The following VSTM1 variants were observed in gnomAD, a reference collection of about 807,000 sequenced individuals.
VSTM1 encodes the protein V-set and transmembrane domain-containing protein 1.
Under a neutral mutation model 33.1 loss-of-function variants are expected in VSTM1, and 27 were observed. That is an observed-to-expected ratio of 0.82 (90% CI 0.60 to 1.12). The LOEUF (loss-of-function observed/expected upper bound fraction) is 1.12, where lower values mean the gene tolerates loss of function less well. Among genes scored for constraint, VSTM1 ranks in the 50% most tolerant of loss-of-function variants. VSTM1 has a pLI of 0.00. For missense variants in VSTM1, 304 were observed against 288.9 expected (o/e 1.05, Z -0.38); for synonymous variants, 115 against 110.3 (o/e 1.04, Z -0.27).
In VSTM1 at chr19:54,058,333, T is replaced by G; in HGVS notation, c.328A>C (p.Ser110Arg). 6.2e-7 allele frequency: 1 copy of G among 1,614,014 alleles called. No individual in the cohort carries two copies. The highest frequency in any genetic ancestry group is 8.5e-7 in the Non-Finnish European group (1 of 1,179,998). ...GTGACCACCAGCTGCAAGTGTTCAC[T>G]GCTTTCTGACCACTCATGGGAGGCT... The part of the protein sequence containing the change: ...TTASHEWSES[S>R]EHLQLVVTDK... The change falls in exon 3 of 9, where the codon AGT (serine) becomes CGT (arginine). Residue 110 changes from serine (S) to arginine (R), a missense_variant. Coordinates refer to ENST00000338372, the MANE Select transcript of VSTM1 (RefSeq NM_198481.4).
chr19:54,049,851 G>C (rs1256125899), intron 4 of VSTM1, among the ~76,000 whole-genome samples: 1 of 152,108 alleles, frequency 6.6e-6, no homozygotes, highest in Non-Finnish European at 1.5e-5. Context: ...GCTCTTTGGA[G>C]TAGGTTGCAG....
chr19:54,063,684 A>G, intron 1 of VSTM1, 60 bp downstream of exon 1: 2 of 1,598,416 alleles, frequency 1.3e-6, no homozygotes, highest in Non-Finnish European at 1.7e-6. Flanking sequence ...CTGGACTGCC[A>G]CTCCCACATG....
intron 4 of VSTM1, among the ~76,000 whole-genome samples, chr19:54,048,678 G>C (rs746755491): frequency 6.6e-6 from 1 of 152,076 alleles, no homozygotes; most frequent in Non-Finnish European, 1.5e-5. Context: ...CCACTTCTAG[G>C]TACATACTCA....
intron 4 of VSTM1, 146 bp from the exon 5 acceptor site, chr19:54,042,515 T>G: frequency 1.6e-6 from 2 of 1,249,176 alleles, no homozygotes; most frequent in Non-Finnish European, 2.2e-6. Context: ...TCCTATTGCT[T>G]TGGGGAATTT....
chr19:54,045,318 G>A lies in VSTM1; in HGVS notation c.395-2949C>T, dbSNP rs147737338. Reference sequence around the variant, plus strand: ...TACCTATCATCTATCCAATCTATCCGTCCTATCTAATTATGATTTATCTAT... The same window carrying A: ...TACCTATCATCTATCCAATCTATCCATCCTATCTAATTATGATTTATCTAT... On this transcript the variant is annotated intron_variant, in intron 4 of 8. Transcript: ENST00000338372. 1.0e-3 allele frequency among the ~76,000 whole-genome samples: 157 copies of A among 151,536 alleles called. 3 individuals carry two copies. Among genetic ancestry groups the A allele is most frequent in the Middle Eastern group, 6.8e-3 (2 of 292 alleles).
intron 1 of VSTM1, among the ~76,000 whole-genome samples, chr19:54,060,677 A>G (rs1198595980): frequency 6.6e-6 from 1 of 152,040 alleles, no homozygotes; most frequent in Non-Finnish European, 1.5e-5. Context: ...TCGTCTGTTC[A>G]AACAGTGATT....
intron 8 of VSTM1, among the ~76,000 whole-genome samples, chr19:54,041,490 A>G (rs2070264099): frequency 1.3e-5 from 2 of 151,936 alleles, no homozygotes; most frequent in South Asian, 4.2e-4. Flanking sequence ...TTTAGTAGAG[A>G]TGGGGTTTCA....
chr19:54,061,117 A>G (rs547626860), intron 1 of VSTM1, among the ~76,000 whole-genome samples: 2 of 146,546 alleles, frequency 1.4e-5, no homozygotes, highest in Admixed American at 7.1e-5. Flanking sequence ...TCCCAGGTTC[A>G]AGCGATTTTC....
chr19:54,048,964 G>A (rs1198534923), intron 4 of VSTM1, among the ~76,000 whole-genome samples: 1 of 152,090 alleles, frequency 6.6e-6, no homozygotes, highest in African/African-American at 2.4e-5. Flanking sequence ...GGCGCCTGTA[G>A]GTCCAGCTAC....
At chr19:54,058,051 T>C (rs759155301) in intron 3 of VSTM1, among the ~76,000 whole-genome samples, 2 of 151,698 alleles carry the variant, frequency 1.3e-5, no homozygotes, top group Non-Finnish European at 2.9e-5. Context: ...CCATCCTGGC[T>C]AACATGGCGA....
Position 54,051,291 on chromosome 19 carries a change from CAAAA to C in VSTM1, c.394+115_394+118del, listed in dbSNP as rs1218318259. On this transcript the variant is annotated intron_variant, in intron 4 of 8. Coordinates refer to ENST00000338372, the MANE Select transcript of VSTM1 (RefSeq NM_198481.4). ...TTGGTGACAAAGCGAGACTCTATCT[CAAAA>C]AACAAACAAACAAACAAACAAACAA... 8 of 993,192 alleles carry C rather than the reference CAAAA, an allele frequency of 8.1e-6. No homozygotes were observed. The East Asian group carries it at 1.4e-4, about 17-fold the overall frequency. 61.5% of individuals were successfully genotyped at this position (993,192 alleles called of 1,614,324 possible).
chr19:54,043,997 A>G (rs1018532570), intron 4 of VSTM1, among the ~76,000 whole-genome samples: 3 of 151,996 alleles, frequency 2.0e-5, no homozygotes, highest in Non-Finnish European at 2.9e-5. Context: ...ATCATACTCG[A>G]ATTCCTGGGC....
intron 4 of VSTM1, among the ~76,000 whole-genome samples, chr19:54,042,816 A>ATG (rs67057954): frequency 1.8e-5 from 1 of 54,974 alleles, no homozygotes; most frequent in African/African-American, 6.2e-5. Context: ...GTATATATAT[A>ATG]TATATATATA....
intron 4 of VSTM1, among the ~76,000 whole-genome samples, chr19:54,046,303 T>C (rs11665958): frequency 0.52 from 79,420 of 151,750 alleles, 20,810 homozygotes; most frequent in Middle Eastern, 0.65. Context: ...ACAAGACATA[T>C]TTGAGTTCTA....
In VSTM1 at chr19:54,040,963, A is replaced by G. The variant is rs758061019; in HGVS notation, c.709T>C (p.Ter237GlnextTer8). 4.4e-6 allele frequency: 7 copies of G among 1,609,032 alleles called. No individual in the cohort carries two copies. Among genetic ancestry groups the G allele is most frequent in the Non-Finnish European group, 5.9e-6 (7 of 1,177,926 alleles). ...TAGTGGCCAGGGCTGTCTTCTTGCT[A>G]CACTTTCAGTGCCGCATATTCATGA... ...GSHEYAALKV* is the reference protein window; with the variant it reads ...GSHEYAALKVQ Residue 237 changes from the stop codon to glutamine, a stop_lost, in exon 9 of 9, where the codon TAG (stop) becomes CAG (glutamine). Coordinates refer to ENST00000338372, the MANE Select transcript of VSTM1 (RefSeq NM_198481.4).
At chr19:54,059,308 G>A (rs1310536581) in intron 1 of VSTM1, among the ~76,000 whole-genome samples, 1 of 152,048 alleles carries the variant, frequency 6.6e-6, no homozygotes, top group South Asian at 2.1e-4. Flanking sequence ...TGATCCACAC[G>A]CCTCGGCCTC....
intron 4 of VSTM1, among the ~76,000 whole-genome samples, chr19:54,042,885 G>A (rs1226759969): frequency 3.7e-5 from 5 of 133,542 alleles, no homozygotes; most frequent in Admixed American, 3.2e-4. Flanking sequence ...AGATGGAGTC[G>A]TGTTCTGTCA....
At chr19:54,059,664 G>A (rs1346034928) in intron 1 of VSTM1, among the ~76,000 whole-genome samples, 1 of 150,610 alleles carries the variant, frequency 6.6e-6, no homozygotes, top group Non-Finnish European at 1.5e-5. Context: ...TGTAGAGATG[G>A]GGTTTCACCA....
At chr19:54,059,769 C>T (rs1283621956) in intron 1 of VSTM1, among the ~76,000 whole-genome samples, 3 of 151,928 alleles carry the variant, frequency 2.0e-5, no homozygotes, top group African/African-American at 4.8e-5. Flanking sequence ...CCACCGTGCC[C>T]GGCCTGATTG....
Sources: gnomAD v4.1 joint callset for allele counts (sites outside exome capture counted in the v4.1 genomes callset) on GRCh38, gnomAD v4.1.1 for gene constraint, MANE v1.5 for transcripts, NCBI Gene and HGNC (gene_info 2026-07-23, HGNC 2026-07-21) for gene names.